Variants in CMSS1 observed in about 807,000 individuals in gnomAD.
CMSS1 encodes cms1 ribosomal small subunit homolog.
CMSS1 carries 33 observed loss-of-function variants against 43.5 expected under a neutral mutation model. The ratio of observed to expected loss-of-function variants is 0.76; its 90% confidence interval spans 0.57 to 1.01. CMSS1 has a LOEUF of 1.01. Ranked by LOEUF, CMSS1 falls within the 50% of genes least tolerant of loss-of-function variation. The probability of loss-of-function intolerance (pLI) is 0.00; values close to 1 mark genes in which losing one functional copy is unlikely to be tolerated. For synonymous variants in CMSS1, 115 were observed against 117.2 expected (o/e 0.98, Z 0.12); for missense variants, 313 against 326.4 (o/e 0.96, Z 0.32).
At chr3:99,866,983 TTA>T (rs540479544) in intron 1 of CMSS1, among the ~76,000 whole-genome samples, 1 of 152,206 alleles carries the variant, frequency 6.6e-6, no homozygotes, top group Non-Finnish European at 1.5e-5. Context: ...AGCATTTGGG[TTA>T]TGTTTTCCTT....
intron 1 of CMSS1, among the ~76,000 whole-genome samples, chr3:99,930,273 T>C (rs1707435809): frequency 6.6e-6 from 1 of 152,242 alleles, no homozygotes. Flanking sequence ...TTTTTTATTA[T>C]GTTTGACAAG....
At chr3:100,010,919 G>A (rs944406986) in intron 1 of CMSS1, among the ~76,000 whole-genome samples, 2 of 151,282 alleles carry the variant, frequency 1.3e-5, no homozygotes, top group African/African-American at 4.9e-5. Flanking sequence ...GAGCCACCGC[G>A]CCCAGCTGAG....
At chr3:99,985,267 C>G (rs1470923142) in intron 1 of CMSS1, among the ~76,000 whole-genome samples, 1 of 152,128 alleles carries the variant, frequency 6.6e-6, no homozygotes, top group African/African-American at 2.4e-5. Context: ...CATGGTGGCT[C>G]ACGCCTGTAA....
At chr3:99,907,218 TTATCTTAAC>T (rs1421440765) in intron 1 of CMSS1, among the ~76,000 whole-genome samples, 11 of 152,150 alleles carry the variant, frequency 7.2e-5, no homozygotes, top group African/African-American at 2.6e-4. Context: ...TGTGGAATAG[TTATCTTAAC>T]TACCTATTAC....
Position 100,100,972 on chromosome 3 carries a change from G to A in CMSS1, c.65-46001G>A, listed in dbSNP as rs567459169. Among the ~76,000 whole-genome samples, 57 of 152,258 alleles carry A rather than the reference G, an allele frequency of 3.7e-4. No individual in the cohort carries two copies. In the Middle Eastern group the frequency reaches 0.014, roughly 36 times the overall value. ...GTCAGTTTTTTAGCCCAGGTATATG[G>A]AGAACAGAGAAGAAAGTGTGTGATG... is the stretch of plus-strand genomic sequence containing the variant. On this transcript the variant is annotated intron_variant, in intron 1 of 9. Transcript: ENST00000421999.
intron 1 of CMSS1, among the ~76,000 whole-genome samples, chr3:100,100,230 G>A (rs559612050): frequency 6.6e-6 from 1 of 152,132 alleles, no homozygotes; most frequent in Non-Finnish European, 1.5e-5. Flanking sequence ...TTCAAGGGTT[G>A]TACATCCTGA....
chr3:99,876,983 G>C (rs1275482125), intron 1 of CMSS1, among the ~76,000 whole-genome samples: 1 of 152,094 alleles, frequency 6.6e-6, no homozygotes, highest in Non-Finnish European at 1.5e-5. Context: ...ACAAAATAAA[G>C]CCAAAAATAA....
chr3:99,983,493 T>C (rs1375705354), intron 1 of CMSS1, among the ~76,000 whole-genome samples: 18 of 45,830 alleles, frequency 3.9e-4, no homozygotes, highest in African/African-American at 1.2e-3. Context: ...TATATATATA[T>C]ATATATATAT....
intron 1 of CMSS1, among the ~76,000 whole-genome samples, chr3:99,897,278 G>A (rs953200633): frequency 9.2e-5 from 14 of 151,898 alleles, no homozygotes; most frequent in Non-Finnish European, 7.4e-5. Context: ...AGAATCGCTC[G>A]AACCCAGGAG....
rs527864154 is a variant in CMSS1 at position 99,982,231 on chromosome 3, C to T, written c.64+164188C>T. 2.1e-4 allele frequency among the ~76,000 whole-genome samples: 32 copies of T among 151,932 alleles called. No individual in the cohort carries two copies. In the South Asian group the frequency reaches 3.3e-3, roughly 16 times the overall value. ...TGCATGCATTTCTTATCTCTTTGTA[C>T]ACATCTTTTTTTATGCCTGTCATGC... On this transcript the variant is annotated intron_variant, in intron 1 of 9. Transcript: ENST00000421999.
chr3:99,989,779 A>G (rs1709459579), intron 1 of CMSS1, among the ~76,000 whole-genome samples: 1 of 151,946 alleles, frequency 6.6e-6, no homozygotes, highest in African/African-American at 2.4e-5. Context: ...TAATATTAAA[A>G]GTTAGATATT....
chr3:99,972,861 T>C (rs1245041696), intron 1 of CMSS1, among the ~76,000 whole-genome samples: 3 of 152,246 alleles, frequency 2.0e-5, no homozygotes, highest in Non-Finnish European at 4.4e-5. Flanking sequence ...TTTGGAACTT[T>C]TTCTTTCATG....
intron 1 of CMSS1, among the ~76,000 whole-genome samples, chr3:99,893,472 A>G (rs1706156755): frequency 1.3e-5 from 2 of 152,166 alleles, no homozygotes; most frequent in African/African-American, 2.4e-5. Context: ...GCCGGCATCT[A>G]GACATTTTTT....
Position 100,019,140 on chromosome 3 carries a change from T to C in CMSS1, c.65-127833T>C, listed in dbSNP as rs80239544. Among the ~76,000 whole-genome samples the C allele has an allele frequency of 6.1e-3, 922 of 152,276 alleles. 10 individuals carry two copies. The highest frequency in any genetic ancestry group is 0.021 in the African/African-American group (855 of 41,572). On this transcript the variant is annotated intron_variant, in intron 1 of 9. Coordinates refer to ENST00000421999, the MANE Select transcript of CMSS1 (RefSeq NM_032359.4). ...ATGGAGGTTCCTCAGAAAATAAAAA[T>C]AGGTCTACCTTATTATCCATCAATT... is the stretch of plus-strand genomic sequence containing the variant.
intron 1 of CMSS1, chr3:99,850,780 G>A: frequency 6.2e-7 from 1 of 1,614,192 alleles, no homozygotes. Context: ...AAACTTTGTG[G>A]TCTGCGTTTG....
At chr3:100,044,535 G>A (rs2065250926) in intron 1 of CMSS1, among the ~76,000 whole-genome samples, 1 of 152,112 alleles carries the variant, frequency 6.6e-6, no homozygotes, top group Non-Finnish European at 1.5e-5. Context: ...TGAGACAAAA[G>A]AGGAACTGAA....
chr3:100,124,098 T>C (rs534073734), intron 1 of CMSS1, among the ~76,000 whole-genome samples: 6 of 152,190 alleles, frequency 3.9e-5, no homozygotes, highest in Non-Finnish European at 7.4e-5. Context: ...CTGAAAAACA[T>C]GACTCTCCGC....
At chr3:99,840,701 A>G (rs554216224) in intron 1 of CMSS1, among the ~76,000 whole-genome samples, 1 of 152,346 alleles carries the variant, frequency 6.6e-6, no homozygotes, top group Non-Finnish European at 1.5e-5. Context: ...CAAGACTTCA[A>G]ATTCAGAAGT....
chr3:100,018,214 T>C (rs1175936786), intron 1 of CMSS1, among the ~76,000 whole-genome samples: 2 of 152,090 alleles, frequency 1.3e-5, no homozygotes, highest in Non-Finnish European at 2.9e-5. Flanking sequence ...TAATCCCAGC[T>C]ACTCAGGAGG....
Sources: gnomAD v4.1 joint callset for allele counts (sites outside exome capture counted in the v4.1 genomes callset) on GRCh38, gnomAD v4.1.1 for gene constraint, MANE v1.5 for transcripts, NCBI Gene and HGNC (gene_info 2026-07-23, HGNC 2026-07-21) for gene names.